Variants in PHAX observed in about 807,000 individuals in gnomAD.
PHAX encodes phosphorylated adaptor for RNA export, also known as phosphorylated adapter RNA export protein.
A neutral mutation model predicts 41.6 loss-of-function variants in PHAX; 31 were observed. The observed-to-expected ratio is 0.75, with a 90% CI of 0.56 to 1.01. The LOEUF (loss-of-function observed/expected upper bound fraction) is 1.01. PHAX is among the 50% of genes least tolerant of loss of function. The pLI is 0.00. For missense variants in PHAX, 453 were observed against 472.9 expected, an observed-to-expected ratio of 0.96 and a Z score of 0.39; for synonymous variants, 175 against 164.9, an observed-to-expected ratio of 1.06 and a Z score of -0.47.
At chr5:126,606,644 T>A (rs904886011) in intron 2 of PHAX, among the ~76,000 whole-genome samples, 16 of 152,204 alleles carry the variant, frequency 1.1e-4, no homozygotes, top group Admixed American at 6.6e-4. Context: ...CATATTTTCA[T>A]ATCTTTGTTT....
rs1331785924 is a variant in PHAX, at chr5:126,604,138, C to G, written c.665C>G (p.Thr222Arg). Residue 222 changes from threonine to arginine, a missense_variant, in exon 2 of 5, where the codon ACA (threonine) becomes AGA (arginine). Transcript: ENST00000297540. Reference sequence around the variant, plus strand: ...AACTATAAAGGTCGATACGAGATCACAGCGGAAGATTCTCAAGAGAAAGTG... The same window carrying G: ...AACTATAAAGGTCGATACGAGATCAGAGCGGAAGATTCTCAAGAGAAAGTG... Reference protein sequence around the residue: ...EMNYKGRYEITAEDSQEKVAD... With the variant: ...EMNYKGRYEIRAEDSQEKVAD... The G allele has an allele frequency of 6.4e-7, 1 of 1,561,022 alleles. No homozygotes were observed. The highest frequency in any genetic ancestry group is 8.6e-7 in the Non-Finnish European group (1 of 1,156,906).
chr5:126,601,116 G>C, intron 1 of PHAX, 58 bp downstream of exon 1: 1 of 1,280,366 alleles, frequency 7.8e-7, no homozygotes, highest in South Asian at 1.2e-5. Context: ...TGGGCCCCGG[G>C]GAGCGCGCAG....
In PHAX at chr5:126,603,873, C is replaced by G. The variant is rs1171319074; in HGVS notation, c.400C>G (p.Leu134Val). ...EQNQDAVATE[L>V]GILGMEGTID... ...GAATCAAGATGCAGTGGCCACTGAA[C>G]TTGGTATCTTGGGAATGGAGGGCAC... The change falls in exon 2 of 5, where the codon CTT becomes GTT. Residue 134 changes from leucine to valine, a missense_variant. Transcript: ENST00000297540. 1.2e-6 allele frequency: 2 copies of G among 1,614,044 alleles called. No homozygotes were observed. Among genetic ancestry groups the G allele is most frequent in the Non-Finnish European group, 1.7e-6 (2 of 1,180,020 alleles).
Position 126,624,770 on chromosome 5 carries a change from G to T in PHAX, c.1111G>T (p.Gly371Ter). Reference protein sequence around the residue: ...ALASLDESQEGHAEAKLEAEE... With the variant: ...ALASLDESQE ...GGCCTCTCTTGATGAGTCACAGGAA[G>T]GACATGCAGAAGCCAAGTTGGAGGC... Residue 371 changes from glycine (G) to a stop codon, truncating the protein, a stop_gained, in exon 5 of 5, where the codon GGA (glycine) becomes TGA (stop). Coordinates refer to ENST00000297540, the MANE Select transcript of PHAX (RefSeq NM_032177.4). LOFTEE classifies it high-confidence loss of function. 1 of 1,613,830 alleles carries T rather than the reference G, an allele frequency of 6.2e-7. No homozygotes were observed. The highest frequency in any genetic ancestry group is 8.5e-7 in the Non-Finnish European group (1 of 1,179,956).
chr5:126,614,471 A>C (rs1752154082), intron 3 of PHAX, among the ~76,000 whole-genome samples: 1 of 152,110 alleles, frequency 6.6e-6, no homozygotes, highest in Admixed American at 6.6e-5. Context: ...TGAATAGGCA[A>C]CCAGTTCACA....
At chr5:126,607,082 A>G (rs1752001326) in intron 2 of PHAX, among the ~76,000 whole-genome samples, 1 of 152,220 alleles carries the variant, frequency 6.6e-6, no homozygotes, top group African/African-American at 2.4e-5. Context: ...CTAAATTACT[A>G]ATGAACAGTG....
chr5:126,603,578 A>C lies in PHAX; in HGVS notation c.105A>C (p.Leu35=). The C allele has an allele frequency of 6.2e-7, 1 of 1,604,442 alleles. No individual in the cohort carries two copies. Among genetic ancestry groups the C allele is most frequent in the Non-Finnish European group, 8.5e-7 (1 of 1,172,538 alleles). ...SDRPLQLPKV[L]GGDSAMRAFQ... is the part of the protein sequence containing the mutation. Reference sequence around the variant, plus strand: ...TTTCTTTTCACTTGCAGAAAGTGCTAGGTGGCGACAGTGCTATGAGGGCCT... The same window carrying C: ...TTTCTTTTCACTTGCAGAAAGTGCTCGGTGGCGACAGTGCTATGAGGGCCT... Residue 35 remains leucine, a synonymous_variant, in exon 2 of 5, where the codon CTA becomes CTC. Transcript: ENST00000297540.
intron 4 of PHAX, among the ~76,000 whole-genome samples, chr5:126,624,099 C>A (rs1486879578): frequency 1.5e-4 from 23 of 149,894 alleles, no homozygotes; most frequent in Non-Finnish European, 5.9e-5. Context: ...ACCTCTGTCT[C>A]CTGGGTTCAA....
intron 3 of PHAX, among the ~76,000 whole-genome samples, chr5:126,616,453 TC>T (rs1399099878): frequency 6.6e-6 from 1 of 152,208 alleles, no homozygotes; most frequent in Non-Finnish European, 1.5e-5. Context: ...AGTATCTGTA[TC>T]ATAGACTAAA....
rs1372125921 is a variant in PHAX at position 126,603,819 on chromosome 5, A to G, written c.346A>G (p.Asn116Asp). Residue 116 changes from asparagine (N) to aspartate (D), a missense_variant, in exon 2 of 5, where the codon AAC becomes GAC. Transcript: ENST00000297540. ...TGTTGCTGGAGGAAAGAAGATTAACAACATATGGGGTGCTGTGCTGCAGGA... is the reference window on the plus strand; with the variant it reads ...TGTTGCTGGAGGAAAGAAGATTAACGACATATGGGGTGCTGTGCTGCAGGA... Reference protein sequence around the residue: ...PPVAGGKKINNIWGAVLQEQN... With the variant: ...PPVAGGKKINDIWGAVLQEQN... 6.2e-7 allele frequency: 1 copy of G among 1,614,140 alleles called. No homozygotes were observed. Among genetic ancestry groups the G allele is most frequent in the Non-Finnish European group, 8.5e-7 (1 of 1,180,026 alleles).
intron 3 of PHAX, among the ~76,000 whole-genome samples, chr5:126,613,985 A>G (rs1039793666): frequency 6.6e-6 from 1 of 152,104 alleles, no homozygotes; most frequent in Non-Finnish European, 1.5e-5. Context: ...CATGTTGCCC[A>G]GGCTGGTCTC....
intron 2 of PHAX, among the ~76,000 whole-genome samples, chr5:126,604,410 A>G (rs1466516407): frequency 1.3e-5 from 2 of 149,860 alleles, no homozygotes; most frequent in African/African-American, 4.9e-5. Flanking sequence ...GACCACAGGT[A>G]TGCACCCCCA....
At chr5:126,621,010 A>G (rs1752261874) in intron 4 of PHAX, among the ~76,000 whole-genome samples, 1 of 152,156 alleles carries the variant, frequency 6.6e-6, no homozygotes, top group Non-Finnish European at 1.5e-5. Flanking sequence ...TGCTGGAATT[A>G]CAGGAGTGAG....
chr5:126,607,374 G>T (rs1414298783), intron 2 of PHAX, among the ~76,000 whole-genome samples: 1 of 149,636 alleles, frequency 6.7e-6, no homozygotes, highest in East Asian at 1.9e-4. Flanking sequence ...AACAAAGGGT[G>T]CCAGGTCTGA....
chr5:126,614,197 C>G (rs996410829), intron 3 of PHAX, among the ~76,000 whole-genome samples: 7 of 152,116 alleles, frequency 4.6e-5, no homozygotes, highest in Middle Eastern at 3.2e-3. Context: ...CTCCCAGATT[C>G]AAACAATTCT....
intron 3 of PHAX, among the ~76,000 whole-genome samples, chr5:126,616,205 G>A (rs1752181935): frequency 6.6e-6 from 1 of 151,976 alleles, no homozygotes. Flanking sequence ...TGATTCTCCT[G>A]CCTTAGCCTC....
chr5:126,601,148 G>A, intron 1 of PHAX, 90 bp downstream of exon 1: 1 of 903,212 alleles, frequency 1.1e-6, no homozygotes, highest in Non-Finnish European at 1.7e-6. Context: ...GGTGAGGGGT[G>A]GGAGCTAGGA....
At chr5:126,607,877 A>G (rs1752016103) in intron 2 of PHAX, among the ~76,000 whole-genome samples, 1 of 151,714 alleles carries the variant, frequency 6.6e-6, no homozygotes, top group South Asian at 2.1e-4. Context: ...TATTATAATC[A>G]TAATAAGCCA....
intron 3 of PHAX, among the ~76,000 whole-genome samples, chr5:126,612,677 G>A (rs1232904991): frequency 2.0e-5 from 3 of 152,070 alleles, no homozygotes; most frequent in Non-Finnish European, 2.9e-5. Flanking sequence ...CTCCAGCCTG[G>A]GCAACAAGAG....
Sources: gnomAD v4.1 joint callset for allele counts (sites outside exome capture counted in the v4.1 genomes callset) on GRCh38, gnomAD v4.1.1 for gene constraint, MANE v1.5 for transcripts, NCBI Gene and HGNC (gene_info 2026-07-23, HGNC 2026-07-21) for gene names.